Variants in MYO5B observed in about 807,000 individuals in gnomAD.
MYO5B encodes the protein unconventional myosin-Vb.
Under a neutral mutation model 229.3 loss-of-function variants are expected in MYO5B, and 143 were observed. The ratio of observed to expected loss-of-function variants is 0.62; its 90% CI spans 0.54 to 0.72. The LOEUF (loss-of-function observed/expected upper bound fraction) is 0.72, where lower values mean the gene tolerates loss of function less well. Among genes scored for constraint, MYO5B ranks in the 30% least tolerant of loss-of-function variants. MYO5B has a pLI of 0.00. For missense variants in MYO5B, 2,321 were observed against 2,331.0 expected, an observed-to-expected ratio of 1.00 and a Z score of 0.09; for synonymous variants, 918 against 885.2, an observed-to-expected ratio of 1.04 and a Z score of -0.66.
chr18:50,029,804 G>T (rs1453699288), intron 4 of MYO5B, among the ~76,000 whole-genome samples: 1 of 152,200 alleles, frequency 6.6e-6, no homozygotes, highest in Non-Finnish European at 1.5e-5. Flanking sequence ...CACATGGCAG[G>T]TTGGGAGAGA....
intron 19 of MYO5B, among the ~76,000 whole-genome samples, 188 bp downstream of exon 19, chr18:49,906,231 C>A (rs1461858975): frequency 6.6e-6 from 1 of 152,042 alleles, no homozygotes; most frequent in Non-Finnish European, 1.5e-5. Context: ...CTAGACCTAC[C>A]CCCTGAGGTG....
At chr18:49,969,206 C>T (rs1159739555) in intron 10 of MYO5B, among the ~76,000 whole-genome samples, 1 of 152,200 alleles carries the variant, frequency 6.6e-6, no homozygotes, top group East Asian at 1.9e-4. Flanking sequence ...TTCCTGATTT[C>T]TCCCCCTCCA....
intron 4 of MYO5B, among the ~76,000 whole-genome samples, chr18:50,035,078 C>T (rs1363192849): frequency 6.6e-6 from 1 of 152,054 alleles, no homozygotes; most frequent in Non-Finnish European, 1.5e-5. Context: ...GTGAAATAAC[C>T]CAATTGTAGG....
chr18:50,164,160 T>C (rs1431779419), intron 1 of MYO5B, among the ~76,000 whole-genome samples: 1 of 152,204 alleles, frequency 6.6e-6, no homozygotes, highest in Non-Finnish European at 1.5e-5. Context: ...ACGAACCTCT[T>C]AACTTACATC....
chr18:50,137,152 G>A lies in MYO5B; in HGVS notation c.27+57615C>T, dbSNP rs531557428. Among the ~76,000 whole-genome samples the A allele has an allele frequency of 1.3e-4, 20 of 152,332 alleles. No individual in the cohort carries two copies. The South Asian group carries it at 2.1e-3, about 16-fold the overall frequency. ...ATTGCAAAAAGAACAGTGGCCACGA[G>A]GGCAGTTTATTTCACATACAATCAA... On this transcript the variant is annotated intron_variant, in intron 1 of 39. Coordinates refer to ENST00000285039, the MANE Select transcript of MYO5B (RefSeq NM_001080467.3).
Position 50,055,594 on chromosome 18 carries a change from A to G in MYO5B, c.28-216T>C, listed in dbSNP as rs17801957. On this transcript the variant is annotated intron_variant, in intron 1 of 39. Transcript: ENST00000285039. ...AGCAGAGGGCACCTTTTAGATGTTAAAAGAACGTTGCAGATCAATGAAATT... is the reference window on the plus strand; with the variant it reads ...AGCAGAGGGCACCTTTTAGATGTTAGAAGAACGTTGCAGATCAATGAAATT... Among the ~76,000 whole-genome samples the G allele has an allele frequency of 0.16, 23,904 of 152,172 alleles. 1,936 individuals carry two copies. Among genetic ancestry groups the G allele is most frequent in the East Asian group, 0.23 (1,171 of 5,180 alleles).
At chr18:50,160,841 A>C (rs2032754454) in intron 1 of MYO5B, among the ~76,000 whole-genome samples, 1 of 152,190 alleles carries the variant, frequency 6.6e-6, no homozygotes, top group African/African-American at 2.4e-5. Context: ...TACACAGTTC[A>C]GAACTGTGTG....
At chr18:50,141,317 C>T (rs2032413999) in intron 1 of MYO5B, among the ~76,000 whole-genome samples, 1 of 152,176 alleles carries the variant, frequency 6.6e-6, no homozygotes, top group Non-Finnish European at 1.5e-5. Flanking sequence ...CTGCATAAAC[C>T]TCCCCTTAAT....
intron 17 of MYO5B, among the ~76,000 whole-genome samples, chr18:49,925,890 G>T (rs2025123853): frequency 6.6e-6 from 1 of 152,230 alleles, no homozygotes; most frequent in Non-Finnish European, 1.5e-5. Flanking sequence ...TGCACCCATT[G>T]CCTGAGCCCC....
intron 1 of MYO5B, among the ~76,000 whole-genome samples, chr18:50,141,228 G>A (rs1418934700): frequency 6.6e-6 from 1 of 152,226 alleles, no homozygotes; most frequent in Admixed American, 6.5e-5. Context: ...CACTGCCATG[G>A]CAACACCCAG....
intron 14 of MYO5B, among the ~76,000 whole-genome samples, chr18:49,941,003 T>C (rs907093368): frequency 1.3e-5 from 2 of 152,166 alleles, no homozygotes; most frequent in Admixed American, 1.3e-4. Context: ...AGTTTTAGAG[T>C]CAAGAGAAAT....
At chr18:49,983,622 A>G (rs535606846) in intron 8 of MYO5B, among the ~76,000 whole-genome samples, 2 of 152,338 alleles carry the variant, frequency 1.3e-5, no homozygotes, top group South Asian at 2.1e-4. Context: ...TGGACCCTCT[A>G]TAAAGTCCTC....
intron 28 of MYO5B, among the ~76,000 whole-genome samples, chr18:49,863,775 G>A (rs1033899256): frequency 6.6e-6 from 1 of 152,198 alleles, no homozygotes; most frequent in Non-Finnish European, 1.5e-5. Flanking sequence ...CAGAAAGTGA[G>A]AACATTAGGA....
intron 4 of MYO5B, among the ~76,000 whole-genome samples, chr18:50,013,073 CTG>C (rs1020181018): frequency 6.6e-6 from 1 of 152,196 alleles, no homozygotes; most frequent in African/African-American, 2.4e-5. Flanking sequence ...GTCCCAAAGT[CTG>C]TGGATCCTGG....
At chr18:50,173,372 G>A (rs2032946627) in intron 1 of MYO5B, among the ~76,000 whole-genome samples, 1 of 152,176 alleles carries the variant, frequency 6.6e-6, no homozygotes, top group South Asian at 2.1e-4. Flanking sequence ...CCAGATTACA[G>A]GAGGCCTCAT....
chr18:49,976,037 A>C (rs963518948), intron 9 of MYO5B, among the ~76,000 whole-genome samples: 14 of 152,224 alleles, frequency 9.2e-5, no homozygotes, highest in Non-Finnish European at 1.6e-4. Flanking sequence ...CATCGTTGTT[A>C]TTCATTCTCT....
chr18:49,874,798 G>C (rs981011555), intron 26 of MYO5B, among the ~76,000 whole-genome samples: 7 of 152,156 alleles, frequency 4.6e-5, no homozygotes, highest in Admixed American at 4.6e-4. Flanking sequence ...AATTGGCCTT[G>C]TACCCTTTAG....
intron 1 of MYO5B, among the ~76,000 whole-genome samples, chr18:50,179,645 C>A (rs911062430): frequency 6.6e-6 from 1 of 152,166 alleles, no homozygotes; most frequent in African/African-American, 2.4e-5. Context: ...AGTCTCCTTG[C>A]CAGCACTAGC....
At chr18:50,110,774 T>C (rs554840531) in intron 1 of MYO5B, among the ~76,000 whole-genome samples, 1 of 152,288 alleles carries the variant, frequency 6.6e-6, no homozygotes, top group South Asian at 2.1e-4. Context: ...GTTTAAGGGC[T>C]ATAAACCACC....
Sources: allele counts gnomAD v4.1 joint callset (sites outside exome capture counted in the v4.1 genomes callset), GRCh38; gene constraint gnomAD v4.1.1; transcripts MANE v1.5; gene names NCBI Gene and HGNC (gene_info 2026-07-23, HGNC 2026-07-21).